The following UNC13C variants were observed in gnomAD, a reference collection of about 807,000 sequenced individuals.
The protein encoded by UNC13C is unc-13 homolog C, also known as protein unc-13 homolog C.
A neutral mutation model predicts 245.4 loss-of-function variants in UNC13C; 174 were observed. The observed-to-expected ratio is 0.71, with a 90% CI of 0.63 to 0.80. The LOEUF (loss-of-function observed/expected upper bound fraction) is 0.80, where lower values mean the gene tolerates loss of function less well. UNC13C is among the 30% of genes least tolerant of loss of function. UNC13C has a pLI of 0.00. For missense variants in UNC13C, 2,829 were observed against 2,602.9 expected (o/e 1.09, Z -1.89); for synonymous variants, 992 against 895.1 (o/e 1.11, Z -1.93).
chr15:54,595,482 G>A (rs10162753), intron 30 of UNC13C, among the ~76,000 whole-genome samples: 6 of 152,144 alleles, frequency 3.9e-5, no homozygotes, highest in African/African-American at 1.4e-4. Context: ...TTCCTCTCAG[G>A]ATTGCTGGTT....
At chr15:54,428,740 A>G (rs1016323479) in intron 19 of UNC13C, among the ~76,000 whole-genome samples, 1 of 151,462 alleles carries the variant, frequency 6.6e-6, no homozygotes, top group African/African-American at 2.4e-5. Flanking sequence ...GCTAGATCTG[A>G]AGTGGATATG....
At chr15:53,992,059 T>C (rs961422026) in intron 1 of UNC13C, among the ~76,000 whole-genome samples, 10 of 152,084 alleles carry the variant, frequency 6.6e-5, no homozygotes, top group South Asian at 2.1e-4. Flanking sequence ...TACTATTTCT[T>C]AGTGCAGACC....
At chr15:54,366,286 AAAG>A (rs2039363828) in intron 17 of UNC13C, among the ~76,000 whole-genome samples, 1 of 152,204 alleles carries the variant, frequency 6.6e-6, no homozygotes, top group Non-Finnish European at 1.5e-5. Context: ...GGCAAAATGT[AAAG>A]AAGCTGGCAG....
At position 54,402,064 on chromosome 15, in the gene UNC13C, T is replaced by TAA. The variant is rs55783137; in HGVS notation, c.4847+8899_4847+8900dup. Among the ~76,000 whole-genome samples the TAA allele has an allele frequency of 1.6e-3, 219 of 139,238 alleles. 1 individual carries two copies. Among genetic ancestry groups the TAA allele is most frequent in the African/African-American group, 5.1e-3 (196 of 38,510 alleles). The allele number at this position is 139,238 out of a possible 152,430, so 91.3% of individuals were successfully genotyped here. The stretch of plus-strand genomic sequence containing the variant: ...TTGCAGTTTGTTTGCTGTTGAAATG[T>TAA]AAAAAAAAAAAAAAAAATGCTTTAA... On this transcript the variant is annotated intron_variant, in intron 18 of 32. Coordinates refer to ENST00000260323, the MANE Select transcript of UNC13C (RefSeq NM_001080534.3).
intron 8 of UNC13C, among the ~76,000 whole-genome samples, chr15:54,263,936 G>T (rs1233595928): frequency 6.6e-6 from 1 of 152,006 alleles, no homozygotes; most frequent in Non-Finnish European, 1.5e-5. Flanking sequence ...TAATACAAAA[G>T]AAAAGCCTGG....
chr15:54,213,936 C>A (rs1260249443), intron 4 of UNC13C, among the ~76,000 whole-genome samples: 2 of 151,872 alleles, frequency 1.3e-5, no homozygotes. Context: ...TCCAAGGAGG[C>A]AAAGGCACAG....
At chr15:54,183,395 A>G (rs915959256) in intron 4 of UNC13C, among the ~76,000 whole-genome samples, 1 of 151,274 alleles carries the variant, frequency 6.6e-6, no homozygotes, top group Non-Finnish European at 1.5e-5. Context: ...TGACTATGCT[A>G]TTACTTATCT....
At position 54,626,194 on chromosome 15, in the gene UNC13C, A is replaced by C. The variant is rs576363616; in HGVS notation, c.6360-634A>C. The stretch of plus-strand genomic sequence containing the variant: ...CCTTCTTTATTATGTTGACACTAAC[A>C]AGCTGTCTTAGGTGGTTGTTAGGAG... On this transcript the variant is annotated intron_variant, in intron 32 of 32. Transcript: ENST00000260323. 2.0e-5 allele frequency among the ~76,000 whole-genome samples: 3 copies of C among 152,278 alleles called. No individual in the cohort carries two copies. The East Asian group carries it at 5.8e-4, about 29-fold the overall frequency.
the UNC13C span, among the ~76,000 whole-genome samples, chr15:53,935,927 G>A: frequency 1.3e-5 from 2 of 152,138 alleles, no homozygotes; most frequent in African/African-American, 2.4e-5. Context: ...CAGAAACCTA[G>A]GAGTTGTTAC....
intron 19 of UNC13C, among the ~76,000 whole-genome samples, chr15:54,474,346 T>A (rs1892613962): frequency 6.6e-6 from 1 of 152,050 alleles, no homozygotes; most frequent in Non-Finnish European, 1.5e-5. Context: ...TGCTATTTTT[T>A]TCCTTCTGAT....
At chr15:54,347,342 A>G (rs1328939912) in intron 17 of UNC13C, among the ~76,000 whole-genome samples, 3 of 152,202 alleles carry the variant, frequency 2.0e-5, no homozygotes, top group Non-Finnish European at 4.4e-5. Context: ...TTACACAGAG[A>G]TCATCCACAA....
At chr15:54,415,133 G>A in intron 19 of UNC13C, 66 bp downstream of exon 19, 1 of 1,204,812 alleles carries the variant, frequency 8.3e-7, no homozygotes, top group Non-Finnish European at 1.2e-6. Context: ...TGTGTTCTTG[G>A]CTTTAAATGT....
At chr15:54,046,457 T>A (rs1897040812) in intron 2 of UNC13C, among the ~76,000 whole-genome samples, 1 of 152,164 alleles carries the variant, frequency 6.6e-6, no homozygotes, top group South Asian at 2.1e-4. Context: ...GTAATTTTAA[T>A]TTGCATTTAT....
At chr15:54,067,259 G>A (rs1005421607) in intron 2 of UNC13C, among the ~76,000 whole-genome samples, 9 of 152,008 alleles carry the variant, frequency 5.9e-5, no homozygotes, top group South Asian at 2.1e-4. Context: ...TTAAATCCAC[G>A]CCATATTTAA....
At chr15:53,849,430 A>G in the UNC13C span, among the ~76,000 whole-genome samples, 6 of 152,076 alleles carry the variant, frequency 3.9e-5, no homozygotes, top group Admixed American at 1.3e-4. Flanking sequence ...TTCAAATAAT[A>G]TTATAAAACT....
intron 19 of UNC13C, among the ~76,000 whole-genome samples, chr15:54,439,873 C>T (rs1890422449): frequency 6.6e-6 from 1 of 152,018 alleles, no homozygotes; most frequent in Non-Finnish European, 1.5e-5. Context: ...TGCTGTTGAA[C>T]ATTAGAACTT....
intron 19 of UNC13C, among the ~76,000 whole-genome samples, chr15:54,473,168 T>A (rs1388065593): frequency 6.6e-6 from 1 of 151,842 alleles, no homozygotes; most frequent in African/African-American, 2.4e-5. Flanking sequence ...TAAATATGTA[T>A]GCATTAGATG....
the UNC13C span, among the ~76,000 whole-genome samples, chr15:53,881,154 A>G: frequency 2.0e-5 from 3 of 152,104 alleles, no homozygotes; most frequent in African/African-American, 7.2e-5. Flanking sequence ...GTGTGTGTAC[A>G]TGTAAATTTA....
At chr15:54,528,907 C>T (rs550205507) in intron 25 of UNC13C, among the ~76,000 whole-genome samples, 4 of 152,306 alleles carry the variant, frequency 2.6e-5, no homozygotes, top group South Asian at 2.1e-4. Flanking sequence ...CAAACAACAT[C>T]CCCTTCATCA....
Sources: gnomAD v4.1 joint callset for allele counts (sites outside exome capture counted in the v4.1 genomes callset) on GRCh38, gnomAD v4.1.1 for gene constraint, MANE v1.5 for transcripts, NCBI Gene and HGNC (gene_info 2026-07-23, HGNC 2026-07-21) for gene names.